DST: variants seen among roughly 807,000 people sequenced by gnomAD.
DST encodes dystonin, also known as bullous pemphigoid antigen.
DST carries 253 observed loss-of-function variants against 875.2 expected under a neutral mutation model. The ratio of observed to expected loss-of-function variants is 0.29; its 90% confidence interval spans 0.26 to 0.32. The LOEUF is 0.32. DST is among the 10% of genes least tolerant of loss of function. The pLI, the probability that DST is intolerant of heterozygous loss-of-function variation, is 1.00. For missense variants in DST, 8,287 were observed against 9,111.6 expected (o/e 0.91, Z 3.68); for synonymous variants, 3,124 against 3,197.1 (o/e 0.98, Z 0.77).
At chr6:56,766,410 T>C (rs1009592270) in intron 4 of DST, among the ~76,000 whole-genome samples, 2 of 152,150 alleles carry the variant, frequency 1.3e-5, no homozygotes, top group Admixed American at 6.6e-5. Flanking sequence ...GTAAAAGAAA[T>C]CTGGCTTTGA....
At chr6:56,660,222 G>T (rs1489800640) in intron 10 of DST, among the ~76,000 whole-genome samples, 2 of 152,156 alleles carry the variant, frequency 1.3e-5, no homozygotes, top group Non-Finnish European at 2.9e-5. Context: ...TTCCTGTGTG[G>T]GGACATGCAC....
At chr6:56,651,396 T>G (rs529803574) in intron 10 of DST, among the ~76,000 whole-genome samples, 152 bp from the exon 11 acceptor site, 1 of 152,254 alleles carries the variant, frequency 6.6e-6, no homozygotes, top group Non-Finnish European at 1.5e-5. Context: ...CATTTAACAT[T>G]GCTCACTTAT....
intron 49 of DST, among the ~76,000 whole-genome samples, chr6:56,580,883 C>T (rs1207461104): frequency 1.3e-5 from 2 of 150,858 alleles, no homozygotes; most frequent in East Asian, 2.0e-4. Flanking sequence ...CAGGTGCATG[C>T]CACCATGCCC....
rs765327536 is a variant in DST at position 56,460,302 on chromosome 6, A to G, written c.23071-48T>C. The stretch of plus-strand genomic sequence containing the variant: ...CATTTCAAAATATTGCTCCTGTACC[A>G]TGATATTCCACTGACACCACTTCTT... On this transcript the variant is annotated intron_variant, in intron 102 of 103. Transcript: ENST00000680361. 6.2e-6 allele frequency: 10 copies of G among 1,605,508 alleles called. No individual in the cohort carries two copies. In the Admixed American group the frequency reaches 1.7e-4, roughly 27 times the overall value.
rs192307609 is a variant in DST at position 56,745,468 on chromosome 6, G to A, written c.626-10179C>T. Among the ~76,000 whole-genome samples, 225 of 152,218 alleles carry A rather than the reference G, an allele frequency of 1.5e-3. 3 individuals are homozygous for A. The highest frequency in any genetic ancestry group is 2.2e-4 in the Non-Finnish European group (15 of 68,014). Reference sequence around the variant, plus strand: ...GGATTTATACTACCTGGTAGTACACGAAGAAATTATACAATATTAGAAATA... The same window carrying A: ...GGATTTATACTACCTGGTAGTACACAAAGAAATTATACAATATTAGAAATA... On this transcript the variant is annotated intron_variant, in intron 4 of 103. Coordinates refer to ENST00000680361, the MANE Select transcript of DST (RefSeq NM_001374736.1).
chr6:56,883,627 T>C (rs1159373871), intron 3 of DST, among the ~76,000 whole-genome samples: 2 of 152,208 alleles, frequency 1.3e-5, no homozygotes, highest in Non-Finnish European at 2.9e-5. Context: ...CTTTCTCTAA[T>C]GTCTTAAACC....
chr6:56,631,795 C>T, intron 29 of DST, 88 bp downstream of exon 29: 1 of 1,276,464 alleles, frequency 7.8e-7, no homozygotes, highest in South Asian at 1.2e-5. Context: ...TGTGAGTGTG[C>T]AAAACTGAAC....
At chr6:56,639,155 A>C (rs2098856041) in intron 22 of DST, 104 bp downstream of exon 22, 1 of 1,018,450 alleles carries the variant, frequency 9.8e-7, no homozygotes, top group South Asian at 1.4e-5. Flanking sequence ...GGTTTTAATA[A>C]AAGTTAGATG....
intron 4 of DST, among the ~76,000 whole-genome samples, chr6:56,845,908 T>C (rs1237547853): frequency 6.6e-6 from 1 of 152,236 alleles, no homozygotes; most frequent in Non-Finnish European, 1.5e-5. Flanking sequence ...AAGGGTAACA[T>C]TGGGTCAATA....
At chr6:56,637,382 T>C (rs1391606847) in intron 22 of DST, among the ~76,000 whole-genome samples, 2 of 152,198 alleles carry the variant, frequency 1.3e-5, no homozygotes. Context: ...CTCTTACATC[T>C]GCTTTGTGGA....
At chr6:56,742,394 T>A in intron 4 of DST, 1 of 1,255,472 alleles carries the variant, frequency 8.0e-7, no homozygotes, top group South Asian at 1.2e-5. Context: ...CAAACTCTGA[T>A]GTGTCAGAGT....
chr6:56,612,932 G>A (rs942158506), intron 37 of DST, among the ~76,000 whole-genome samples: 4 of 152,144 alleles, frequency 2.6e-5, no homozygotes, highest in Non-Finnish European at 5.9e-5. Context: ...AGGAGGCTGA[G>A]GCAGGAGGAT....
intron 33 of DST, among the ~76,000 whole-genome samples, chr6:56,627,727 T>C (rs1364401120): frequency 6.6e-6 from 1 of 152,214 alleles, no homozygotes; most frequent in Non-Finnish European, 1.5e-5. Context: ...GAGATTTCTA[T>C]ACCTATGATT....
intron 99 of DST, among the ~76,000 whole-genome samples, chr6:56,465,835 A>G (rs1293151283): frequency 6.7e-6 from 1 of 148,992 alleles, no homozygotes; most frequent in Admixed American, 6.8e-5. Context: ...GGATTCTAGT[A>G]TTTCCCGCCC....
At chr6:56,728,395 A>G (rs948016158) in intron 5 of DST, among the ~76,000 whole-genome samples, 16 of 152,242 alleles carry the variant, frequency 1.1e-4, no homozygotes, top group African/African-American at 3.6e-4. Flanking sequence ...AAAAGGCTAT[A>G]GAAACTGTTT....
Position 56,619,634 on chromosome 6 carries a change from C to A in DST, c.4929+4896G>T, listed in dbSNP as rs147704763. On this transcript the variant is annotated intron_variant, in intron 36 of 103. Transcript: ENST00000680361. Reference sequence around the variant, plus strand: ...AGATTCTAATTCTAACTGATAATTGCGCTTTATTTTCTTGAGATCACTAGC... The same window carrying A: ...AGATTCTAATTCTAACTGATAATTGAGCTTTATTTTCTTGAGATCACTAGC... The A allele has an allele frequency of 4.3e-6, 7 of 1,613,746 alleles. No individual in the cohort carries two copies. The South Asian group carries it at 5.5e-5, about 13-fold the overall frequency.
chr6:56,599,128 T>G (rs2098419421), intron 45 of DST, among the ~76,000 whole-genome samples: 1 of 152,106 alleles, frequency 6.6e-6, no homozygotes, highest in Non-Finnish European at 1.5e-5. Flanking sequence ...ATTTTCCCAG[T>G]GAACTAAGAT....
At chr6:56,877,789 C>T (rs892727058) in intron 3 of DST, among the ~76,000 whole-genome samples, 9 of 152,210 alleles carry the variant, frequency 5.9e-5, no homozygotes, top group African/African-American at 2.2e-4. Flanking sequence ...CAAAATATGC[C>T]CATGGACAAA....
chr6:56,615,712 T>C lies in DST; in HGVS notation c.4930-1228A>G, dbSNP rs376353954. The stretch of plus-strand genomic sequence containing the variant: ...TGAGTTTTGTGGCAATGAGGACATC[T>C]ATAATACCTACTTGGAGAGCCTCTT... On this transcript the variant is annotated intron_variant, in intron 36 of 103. Coordinates refer to ENST00000680361, the MANE Select transcript of DST (RefSeq NM_001374736.1). The C allele has an allele frequency of 1.8e-5, 29 of 1,614,096 alleles. No individual in the cohort carries two copies. The highest frequency in any genetic ancestry group is 1.1e-5 in the South Asian group (1 of 91,082).
Sources: gnomAD v4.1 joint callset for allele counts (sites outside exome capture counted in the v4.1 genomes callset) on GRCh38, gnomAD v4.1.1 for gene constraint, MANE v1.5 for transcripts, NCBI Gene and HGNC (gene_info 2026-07-23, HGNC 2026-07-21) for gene names.